Variants in MAPK6 observed in about 807,000 individuals in gnomAD.
The protein encoded by MAPK6 is ERK-3.
Under a neutral mutation model 59.3 loss-of-function variants are expected in MAPK6, and 19 were observed. The observed-to-expected ratio is 0.32, with a 90% CI of 0.22 to 0.47. The LOEUF is 0.47. Ranked by LOEUF, MAPK6 falls within the 20% of genes least tolerant of loss-of-function variation. The pLI is 1.00. For missense variants in MAPK6, 724 were observed against 847.9 expected (o/e 0.85, Z 1.81); for synonymous variants, 316 against 290.3 (o/e 1.09, Z -0.90).
intron 2 of MAPK6, among the ~76,000 whole-genome samples, chr15:52,049,088 G>C (rs140507926): frequency 4.3e-4 from 66 of 152,228 alleles, no homozygotes; most frequent in African/African-American, 1.5e-3. Context: ...AATCTCTCAG[G>C]GTAGTTTTGA....
intron 3 of MAPK6, among the ~76,000 whole-genome samples, chr15:52,055,519 G>C (rs1419973945): frequency 6.8e-6 from 1 of 148,088 alleles, no homozygotes; most frequent in Non-Finnish European, 1.5e-5. Context: ...GGGTTTTTTT[G>C]TTTGTTTGTT....
intron 2 of MAPK6, among the ~76,000 whole-genome samples, chr15:51,991,510 C>T (rs929741843): frequency 2.6e-5 from 4 of 152,066 alleles, no homozygotes; most frequent in African/African-American, 9.7e-5. Flanking sequence ...TTACATAACG[C>T]GACAAATGTA....
intron 3 of MAPK6, among the ~76,000 whole-genome samples, chr15:52,005,817 T>C (rs778609105): frequency 6.6e-5 from 10 of 152,192 alleles, no homozygotes; most frequent in Middle Eastern, 3.4e-3. Context: ...CTGACTACCG[T>C]TGGTGCCAAG....
chr15:51,991,189 A>G (rs929710462), intron 2 of MAPK6, among the ~76,000 whole-genome samples: 2 of 151,646 alleles, frequency 1.3e-5, no homozygotes, highest in African/African-American at 4.9e-5. Flanking sequence ...ACATATATAT[A>G]TGTATATGTA....
intron 1 of MAPK6, among the ~76,000 whole-genome samples, chr15:51,972,869 C>CATG (rs1595953592): frequency 6.6e-6 from 1 of 151,430 alleles, no homozygotes; most frequent in East Asian, 1.9e-4. Flanking sequence ...ATTAGCCAGG[C>CATG]ATGATGGCAT....
At chr15:51,991,409 G>A (rs891004110) in intron 2 of MAPK6, among the ~76,000 whole-genome samples, 1 of 152,050 alleles carries the variant, frequency 6.6e-6, no homozygotes, top group Non-Finnish European at 1.5e-5. Flanking sequence ...GAAAATTTAG[G>A]TCTCATGCCA....
At chr15:52,028,371 G>C (rs1292692441) in intron 1 of MAPK6, among the ~76,000 whole-genome samples, 1 of 152,132 alleles carries the variant, frequency 6.6e-6, no homozygotes. Flanking sequence ...ACAGGAGTGA[G>C]CCATCGCACC....
At chr15:52,019,614 G>GGCGGGC (rs2030427579) in intron 1 of MAPK6, among the ~76,000 whole-genome samples, 2 of 146,036 alleles carry the variant, frequency 1.4e-5, no homozygotes, top group East Asian at 4.0e-4. Context: ...CCGCGCGGGC[G>GGCGGGC]GGCGGGCGGC....
At chr15:51,984,391 C>T (rs1454334644) in intron 2 of MAPK6, among the ~76,000 whole-genome samples, 1 of 151,738 alleles carries the variant, frequency 6.6e-6, no homozygotes, top group East Asian at 1.9e-4. Context: ...ACGCCATTCT[C>T]CTGCCTCAGC....
chr15:52,058,281 A>G (rs1051241786), intron 3 of MAPK6, among the ~76,000 whole-genome samples: 6 of 152,200 alleles, frequency 3.9e-5, no homozygotes, highest in African/African-American at 1.4e-4. Flanking sequence ...GATGTTAGCT[A>G]TTGTCTCTGA....
At chr15:52,058,576 A>AT in intron 3 of MAPK6, 57 bp from the exon 4 acceptor site, 1 of 1,409,850 alleles carries the variant, frequency 7.1e-7, no homozygotes, top group Non-Finnish European at 9.5e-7. Context: ...TAGTATGTTT[A>AT]TTGTGAAATA....
Position 52,067,098 on chromosome 15 carries a change from TAA to T in MAPK6, c.*2101_*2102del, listed in dbSNP as rs2032443702. 1 of 152,180 alleles carries T rather than the reference TAA, an allele frequency of 6.6e-6. No homozygotes were observed. Among genetic ancestry groups the T allele is most frequent in the Non-Finnish European group, 1.5e-5 (1 of 68,034 alleles). The allele number at this position is 152,180 out of a possible 1,614,324, so 9.4% of individuals were successfully genotyped here. On this transcript the variant is annotated 3_prime_UTR_variant, in exon 6 of 6. Transcript: ENST00000261845. ...TTTTGAGAATAATTAGCTTTGACTC[TAA>T]AATGCTGTCTTCCCTGAAGGAGACC...
rs2032365132 is a variant in MAPK6, at chr15:52,065,122, G to A, written c.*122G>A. On this transcript the variant is annotated 3_prime_UTR_variant, in exon 6 of 6. Coordinates refer to ENST00000261845, the MANE Select transcript of MAPK6 (RefSeq NM_002748.4). ...GTGTCATTTAGTAAGGATTTTATGA[G>A]TTCTTGTTTTTTAAAATCCAGACTT... The A allele has an allele frequency of 1.1e-6, 1 of 907,620 alleles. No homozygotes were observed. The highest frequency in any genetic ancestry group is 1.6e-6 in the Non-Finnish European group (1 of 643,428). The allele number at this position is 907,620 out of a possible 1,614,324, so 56.2% of individuals were successfully genotyped here. A position where few individuals can be genotyped will look rare whatever the true frequency, so the allele number is the denominator to read the frequency against.
At chr15:52,049,714 G>C (rs1004117980) in intron 2 of MAPK6, among the ~76,000 whole-genome samples, 1 of 149,754 alleles carries the variant, frequency 6.7e-6, no homozygotes, top group Admixed American at 6.7e-5. Flanking sequence ...TCCCGGGTTC[G>C]AGCGATTCTC....
intron 1 of MAPK6, among the ~76,000 whole-genome samples, chr15:51,980,293 T>C (rs1157082246): frequency 7.0e-6 from 1 of 142,828 alleles, no homozygotes; most frequent in Non-Finnish European, 1.5e-5. Context: ...AAAACTGTCT[T>C]AAAAAAAAAA....
Sources: gnomAD v4.1 joint callset for allele counts (sites outside exome capture counted in the v4.1 genomes callset) on GRCh38, gnomAD v4.1.1 for gene constraint, MANE v1.5 for transcripts, NCBI Gene and HGNC (gene_info 2026-07-23, HGNC 2026-07-21) for gene names.